The following SEZ6 variants were observed in gnomAD, a reference collection of about 807,000 sequenced individuals.
The protein encoded by SEZ6 is seizure protein 6 homolog.
In SEZ6, 53 loss-of-function variants were observed where a neutral mutation model predicts 101.0. That is an observed-to-expected ratio of 0.52 (90% CI 0.42 to 0.66). SEZ6 has a LOEUF of 0.66. Ranked by LOEUF, SEZ6 falls within the 30% of genes least tolerant of loss-of-function variation. SEZ6 has a pLI of 0.00. For synonymous variants in SEZ6, 488 were observed against 512.2 expected (o/e 0.95, Z 0.64); for missense variants, 1,102 against 1,289.4 (o/e 0.85, Z 2.23).
At chr17:28,956,647 G>T in intron 14 of SEZ6, 72 bp downstream of exon 14, 2 of 1,542,996 alleles carry the variant, frequency 1.3e-6, no homozygotes, top group South Asian at 1.2e-5. Context: ...TCCTTGGGAA[G>T]CCCATGACCT....
Position 28,959,952 on chromosome 17 carries a change from G to A in SEZ6, c.1577-60C>T. ...GACTGGTATTAAACACAGTGGGCAA[G>A]CATCCCCCTACTTCCCTCCCCAGAG... On this transcript the variant is annotated intron_variant, in intron 7 of 16. Transcript: ENST00000317338. The surrounding 1 kb of genome is among the most constrained non-coding windows in gnomAD (Gnocchi z 4.4). The A allele has an allele frequency of 1.3e-6, 2 of 1,526,052 alleles. No individual in the cohort carries two copies. Among genetic ancestry groups the A allele is most frequent in the Non-Finnish European group, 1.8e-6 (2 of 1,126,796 alleles). The allele number at this position is 1,526,052 out of a possible 1,614,324, so 94.5% of individuals were successfully genotyped here.
Position 29,005,774 on chromosome 17 carries a change from C to T in SEZ6, c.55+41G>A. ...CTCCCTTCCCACCCCTGGGGCCCCG[C>T]TCCCGCCCCCGTCCTGCCGCCGGAT... On this transcript the variant is annotated intron_variant, in intron 1 of 16. Coordinates refer to ENST00000317338, the MANE Select transcript of SEZ6 (RefSeq NM_178860.5). This position sits in a 1 kb window ranked among gnomAD's most constrained non-coding sequence, Gnocchi z 4.8. The T allele has an allele frequency of 2.0e-6, 3 of 1,473,858 alleles. No homozygotes were observed. Among genetic ancestry groups the T allele is most frequent in the Non-Finnish European group, 2.7e-6 (3 of 1,111,876 alleles). The allele number at this position is 1,473,858 out of a possible 1,614,324, so 91.3% of individuals were successfully genotyped here.
chr17:28,956,172 G>A lies in SEZ6; in HGVS notation c.2939C>T (p.Thr980Ile), dbSNP rs1222477547. Residue 980 changes from threonine (T) to isoleucine (I), a missense_variant, in exon 16 of 17, where the codon ACT (threonine) becomes ATT (isoleucine). Transcript: ENST00000317338. ...ATGGTTACTTACTCCAGTCTCGTAA[G>A]TTGGATTGTCAAACGCTGACTCTAT... ...ITIESAFDNPTYETGSLSFAG... is the reference protein window; with the variant it reads ...ITIESAFDNPIYETGSLSFAG... 2 of 1,567,980 alleles carry A rather than the reference G, an allele frequency of 1.3e-6. No individual in the cohort carries two copies. Among genetic ancestry groups the A allele is most frequent in the Non-Finnish European group, 1.7e-6 (2 of 1,152,282 alleles).
rs1209557432 is a variant in SEZ6, at chr17:28,981,594, G to A, written c.501C>T (p.Gly167=). The A allele has an allele frequency of 3.1e-6, 5 of 1,604,590 alleles. No individual in the cohort carries two copies. The highest frequency in any genetic ancestry group is 1.1e-5 in the South Asian group (1 of 90,374). Residue 167 remains glycine, a synonymous_variant, in exon 2 of 17, where the codon GGC becomes GGT. Coordinates refer to ENST00000317338, the MANE Select transcript of SEZ6 (RefSeq NM_178860.5). ...GTGTAGTGCTGGCTATCTCCCCTGG[G>A]CCTAGGGTGGGCACTGCCATGCTGG... ...PGPSMAVPTL[G]PGEIASTTPP...
At chr17:28,961,509 A>G (rs998624229) in intron 5 of SEZ6, among the ~76,000 whole-genome samples, 2 of 152,096 alleles carry the variant, frequency 1.3e-5, no homozygotes, top group African/African-American at 4.8e-5. Context: ...AAATGAGTGA[A>G]TGAATGTAAA....
chr17:29,004,473 C>T lies in SEZ6; in HGVS notation c.55+1342G>A, dbSNP rs555051619. 7.9e-5 allele frequency among the ~76,000 whole-genome samples: 12 copies of T among 152,216 alleles called. No individual in the cohort carries two copies. In the South Asian group the frequency reaches 1.2e-3, roughly 16 times the overall value. On this transcript the variant is annotated intron_variant, in intron 1 of 16. Transcript: ENST00000317338. ...GCCGGAGGATCCAGCATGGGCAGCC[C>T]GGTAGCGGGGTGAGGACACTGGGCT...
chr17:28,978,240 CTT>C (rs1243476526), intron 3 of SEZ6, among the ~76,000 whole-genome samples: 1 of 152,236 alleles, frequency 6.6e-6, no homozygotes, highest in Non-Finnish European at 1.5e-5. Flanking sequence ...GAATGCCTCT[CTT>C]GCCCACTCCT....
intron 1 of SEZ6, among the ~76,000 whole-genome samples, chr17:28,999,460 C>T (rs1341850777): frequency 6.6e-6 from 1 of 152,184 alleles, no homozygotes; most frequent in Admixed American, 6.5e-5. Context: ...AGCAAGGCTG[C>T]AGGCTCTGCA....
At chr17:29,002,454 T>G (rs532055758) in intron 1 of SEZ6, among the ~76,000 whole-genome samples, 73 of 152,298 alleles carry the variant, frequency 4.8e-4, no homozygotes, top group African/African-American at 1.7e-3. Context: ...GAGGCCAGGA[T>G]GGCCGCCAGG....
At position 28,960,981 on chromosome 17, in the gene SEZ6, G is replaced by A; in HGVS notation, c.1241-8C>T. ...TCACTCCGCCGCAAGCAGCTGTTAA[G>A]ACCAGGACAGGACGTAGGCTAGGCC... On this transcript the variant is annotated splice_region_variant and splice_polypyrimidine_tract_variant and intron_variant, in intron 5 of 16. Coordinates refer to ENST00000317338, the MANE Select transcript of SEZ6 (RefSeq NM_178860.5). The A allele has an allele frequency of 6.2e-7, 1 of 1,611,326 alleles. No homozygotes were observed. Among genetic ancestry groups the A allele is most frequent in the Non-Finnish European group, 8.5e-7 (1 of 1,179,068 alleles).
intron 5 of SEZ6, among the ~76,000 whole-genome samples, chr17:28,962,764 G>C (rs1442931069): frequency 3.4e-5 from 5 of 145,602 alleles, no homozygotes; most frequent in African/African-American, 1.3e-4. Context: ...CTGGGTGACA[G>C]AGGGAGACTC....
At chr17:29,000,832 G>C (rs766976356) in intron 1 of SEZ6, among the ~76,000 whole-genome samples, 2 of 152,072 alleles carry the variant, frequency 1.3e-5, no homozygotes, top group Non-Finnish European at 2.9e-5. Context: ...GCTGTTATAG[G>C]GGGGGTGGTC....
intron 4 of SEZ6, 74 bp downstream of exon 4, chr17:28,969,683 C>T: frequency 7.5e-7 from 1 of 1,330,006 alleles, no homozygotes; most frequent in Non-Finnish European, 9.8e-7. Flanking sequence ...GATGTAATTG[C>T]ACAGAGACCC....
chr17:28,981,870 T>C lies in SEZ6; in HGVS notation c.225A>G (p.Glu75=), dbSNP rs760894668. 4 of 1,613,902 alleles carry C rather than the reference T, an allele frequency of 2.5e-6. No individual in the cohort carries two copies. The highest frequency in any genetic ancestry group is 3.4e-6 in the Non-Finnish European group (4 of 1,179,878). The part of the protein sequence containing the change: ...KLLNHHPLLE[E]FLQEGLEKGD... ...CCTTTTCCAGCCCCTCTTGTAGGAA[T>C]TCCTCAAGCAGCGGGTGGTGGTTGA... Residue 75 remains glutamate, a synonymous_variant, in exon 2 of 17, where the codon GAA becomes GAG. Transcript: ENST00000317338.
intron 4 of SEZ6, among the ~76,000 whole-genome samples, chr17:28,968,614 C>T (rs2041105421): frequency 6.6e-6 from 1 of 152,194 alleles, no homozygotes; most frequent in Non-Finnish European, 1.5e-5. Context: ...CCATCCACTT[C>T]CAGGCTCCCT....
chr17:28,985,946 C>T (rs2041374863), intron 1 of SEZ6, among the ~76,000 whole-genome samples: 1 of 152,206 alleles, frequency 6.6e-6, no homozygotes, highest in South Asian at 2.1e-4. Context: ...CTCAGTCCTC[C>T]CCTCCCGCAG....
intron 4 of SEZ6, among the ~76,000 whole-genome samples, chr17:28,966,466 G>C (rs991365040): frequency 1.3e-5 from 2 of 152,186 alleles, no homozygotes; most frequent in Admixed American, 6.5e-5. Context: ...CTGGGCGGCA[G>C]AGTGAGACTC....
intron 1 of SEZ6, among the ~76,000 whole-genome samples, chr17:28,994,214 T>C (rs1304013597): frequency 6.6e-6 from 1 of 151,756 alleles, no homozygotes. Flanking sequence ...TATGCGACCT[T>C]GGGTTTGCCC....
Position 28,960,458 on chromosome 17 carries a change from C to G in SEZ6, c.1576+47G>C, listed in dbSNP as rs1325378924. ...TGGGAGAAAGACCCTAGGCCCGAGCCCATCCCCGTGGACCCGCCACCCCCA... is the reference window on the plus strand; with the variant it reads ...TGGGAGAAAGACCCTAGGCCCGAGCGCATCCCCGTGGACCCGCCACCCCCA... On this transcript the variant is annotated intron_variant, in intron 7 of 16. Coordinates refer to ENST00000317338, the MANE Select transcript of SEZ6 (RefSeq NM_178860.5). 9 of 1,559,472 alleles carry G rather than the reference C, an allele frequency of 5.8e-6. No individual in the cohort carries two copies. In the African/African-American group the frequency reaches 9.5e-5, roughly 17 times the overall value.
Sources: allele counts gnomAD v4.1 joint callset (sites outside exome capture counted in the v4.1 genomes callset), GRCh38; gene constraint gnomAD v4.1.1; non-coding constraint Gnocchi (gnomAD v3.1); transcripts MANE v1.5; gene names NCBI Gene and HGNC (gene_info 2026-07-23, HGNC 2026-07-21).